NAV2: variants seen among roughly 807,000 people sequenced by gnomAD.
The protein encoded by NAV2 is helicase, APC down-regulated 1.
A neutral mutation model predicts 223.2 loss-of-function variants in NAV2; 54 were observed. The ratio of observed to expected loss-of-function variants is 0.24; its 90% CI spans 0.19 to 0.30. The LOEUF is 0.30. Ranked by LOEUF, NAV2 falls within the 10% of genes least tolerant of loss-of-function variation. NAV2 has a pLI of 1.00. For synonymous variants in NAV2, 1,279 were observed against 1,239.3 expected, an observed-to-expected ratio of 1.03 and a Z score of -0.67; for missense variants, 2,806 against 3,147.5, an observed-to-expected ratio of 0.89 and a Z score of 2.60.
At chr11:19,823,374 A>T (rs1296808117) in intron 1 of NAV2, among the ~76,000 whole-genome samples, 2 of 152,092 alleles carry the variant, frequency 1.3e-5, no homozygotes, top group Admixed American at 1.3e-4. Context: ...TGCCTGGCTA[A>T]TTTTTGTATT....
intron 1 of NAV2, among the ~76,000 whole-genome samples, chr11:19,821,558 C>G (rs1444743626): frequency 1.3e-5 from 2 of 152,182 alleles, no homozygotes; most frequent in African/African-American, 2.4e-5. Flanking sequence ...CCAGATCAGC[C>G]TTGCACACCA....
At chr11:20,032,832 A>G (rs2055912079) in intron 11 of NAV2, among the ~76,000 whole-genome samples, 1 of 152,154 alleles carries the variant, frequency 6.6e-6, no homozygotes, top group African/African-American at 2.4e-5. Context: ...GCCTCTGCAC[A>G]TTGAGTTTGT....
At position 20,048,908 on chromosome 11, in the gene NAV2, C is replaced by T; in HGVS notation, c.4083C>T (p.Asp1361=). The part of the protein sequence containing the change: ...SSSPLYSKNV[D]LNQSPLASSP... ...GTCCTCTCTACAGCAAGAATGTGGA[C>T]CTCAACCAGTCTCCGCTAGCCTCCA... Residue 1361 remains aspartate, a synonymous_variant, in exon 15 of 38, where the codon GAC becomes GAT. Coordinates refer to ENST00000349880, the MANE Select transcript of NAV2 (RefSeq NM_145117.5). 1 of 1,614,202 alleles carries T rather than the reference C, an allele frequency of 6.2e-7. No individual in the cohort carries two copies. Among genetic ancestry groups the T allele is most frequent in the African/African-American group, 1.3e-5 (1 of 75,054 alleles).
intron 10 of NAV2, among the ~76,000 whole-genome samples, chr11:19,970,305 A>C (rs956103959): frequency 1.3e-5 from 2 of 152,114 alleles, no homozygotes; most frequent in Admixed American, 1.3e-4. Context: ...AATAGCTGGG[A>C]TTACAGGCAT....
intron 1 of NAV2, among the ~76,000 whole-genome samples, chr11:19,355,967 T>G (rs930636098): frequency 3.3e-5 from 5 of 152,214 alleles, no homozygotes; most frequent in Non-Finnish European, 5.9e-5. Context: ...GGATGAGGCT[T>G]CAGCCCCAGC....
chr11:19,573,018 A>G (rs968132049), intron 1 of NAV2, among the ~76,000 whole-genome samples: 1 of 152,180 alleles, frequency 6.6e-6, no homozygotes, highest in African/African-American at 2.4e-5. Context: ...TAATTTTCTC[A>G]TTAACCTCTT....
At chr11:20,038,047 A>T (rs2056569108) in intron 12 of NAV2, among the ~76,000 whole-genome samples, 1 of 152,200 alleles carries the variant, frequency 6.6e-6, no homozygotes, top group Admixed American at 6.5e-5. Flanking sequence ...TGCTCCTGAG[A>T]TGCAGGTGGA....
rs1226632180 is a variant in NAV2, at chr11:19,645,328, A to T, written c.76-187156A>T. Among the ~76,000 whole-genome samples, 8 of 152,296 alleles carry T rather than the reference A, an allele frequency of 5.3e-5. No homozygotes were observed. The East Asian group carries it at 1.2e-3, about 22-fold the overall frequency. On this transcript the variant is annotated intron_variant, in intron 1 of 37. Coordinates refer to the NAV2 transcript ENST00000360655. The stretch of plus-strand genomic sequence containing the variant: ...GCTTTCACTTCTAAGGACCACTGGG[A>T]TTACACTGGGTGCACCTGGATAATC...
chr11:19,926,107 GA>G (rs150478776), intron 6 of NAV2, among the ~76,000 whole-genome samples: 2 of 151,662 alleles, frequency 1.3e-5, no homozygotes, highest in African/African-American at 2.4e-5. Context: ...TGTATGTCTG[GA>G]AAAAAAAGAA....
At chr11:20,094,205 C>CT (rs1235046730) in intron 29 of NAV2, among the ~76,000 whole-genome samples, 1 of 136,686 alleles carries the variant, frequency 7.3e-6, no homozygotes, top group Admixed American at 7.3e-5. Flanking sequence ...GAAACTCGTT[C>CT]TTTTTTCTTT....
chr11:19,871,691 G>T (rs777348323), intron 4 of NAV2, among the ~76,000 whole-genome samples: 4 of 152,162 alleles, frequency 2.6e-5, no homozygotes, highest in Non-Finnish European at 4.4e-5. Context: ...GGGTGGAACT[G>T]CAAGGCCTCC....
chr11:19,568,612 G>T (rs548826032), intron 1 of NAV2, among the ~76,000 whole-genome samples: 1 of 152,316 alleles, frequency 6.6e-6, no homozygotes, highest in East Asian at 1.9e-4. Context: ...TCACAGACTT[G>T]ATCTCATTGA....
At chr11:19,452,098 G>T (rs1851807625) in intron 1 of NAV2, among the ~76,000 whole-genome samples, 1 of 144,716 alleles carries the variant, frequency 6.9e-6, no homozygotes, top group African/African-American at 2.6e-5. Flanking sequence ...AGTTCTATTA[G>T]GTTACAAAAG....
intron 1 of NAV2, among the ~76,000 whole-genome samples, chr11:19,472,488 T>C (rs1338552623): frequency 3.9e-5 from 6 of 152,184 alleles, no homozygotes; most frequent in African/African-American, 1.4e-4. Flanking sequence ...TTATTATGAG[T>C]AATAATGCTG....
At chr11:19,598,305 A>G (rs1375938845) in intron 1 of NAV2, among the ~76,000 whole-genome samples, 1 of 152,246 alleles carries the variant, frequency 6.6e-6, no homozygotes, top group East Asian at 1.9e-4. Flanking sequence ...TGTGGCACCC[A>G]CAGCGAGTAG....
At chr11:19,472,415 A>G (rs902340957) in intron 1 of NAV2, among the ~76,000 whole-genome samples, 34 of 152,158 alleles carry the variant, frequency 2.2e-4, no homozygotes, top group African/African-American at 8.0e-4. Context: ...AGTAATTGAT[A>G]CATGTAAAGT....
chr11:19,599,377 T>G (rs1479375709), intron 1 of NAV2, among the ~76,000 whole-genome samples: 2 of 152,248 alleles, frequency 1.3e-5, no homozygotes, highest in Non-Finnish European at 2.9e-5. Context: ...CCGGCCAACC[T>G]GCGAGGTTGT....
chr11:19,909,646 G>A (rs888198357), intron 6 of NAV2, among the ~76,000 whole-genome samples: 1 of 152,146 alleles, frequency 6.6e-6, no homozygotes, highest in Non-Finnish European at 1.5e-5. Flanking sequence ...TGGTCCAGGG[G>A]TCCTGTGGAA....
At chr11:19,422,427 G>A (rs1850654660) in intron 1 of NAV2, among the ~76,000 whole-genome samples, 1 of 152,206 alleles carries the variant, frequency 6.6e-6, no homozygotes, top group Non-Finnish European at 1.5e-5. Flanking sequence ...CGGCCCTGAA[G>A]AGCAATTAGG....
Sources: gnomAD v4.1 joint callset for allele counts (sites outside exome capture counted in the v4.1 genomes callset) on GRCh38, gnomAD v4.1.1 for gene constraint, MANE v1.5 for transcripts, NCBI Gene and HGNC (gene_info 2026-07-23, HGNC 2026-07-21) for gene names.